Variants in PDE6B observed in about 807,000 individuals in gnomAD.
PDE6B encodes rod cGMP-specific 3',5'-cyclic phosphodiesterase subunit beta.
A neutral mutation model predicts 109.0 loss-of-function variants in PDE6B; 106 were observed. The ratio of observed to expected loss-of-function variants is 0.97; its 90% CI spans 0.83 to 1.14. PDE6B has a LOEUF of 1.14. Among genes scored for constraint, PDE6B ranks in the 50% most tolerant of loss-of-function variants. PDE6B has a pLI of 0.00. For synonymous variants in PDE6B, 490 were observed against 471.3 expected (o/e 1.04, Z -0.51); for missense variants, 1,193 against 1,155.6 (o/e 1.03, Z -0.47).
At position 669,817 on chromosome 4, in the gene PDE6B, C is replaced by T. The variant is rs550688910; in HGVS notation, c.2504-229C>T. Among the ~76,000 whole-genome samples the T allele has an allele frequency of 5.3e-5, 8 of 152,156 alleles. No homozygotes were observed. In the South Asian group the frequency reaches 8.3e-4, roughly 16 times the overall value. On this transcript the variant is annotated intron_variant, in intron 21 of 21. Coordinates refer to ENST00000496514, the MANE Select transcript of PDE6B (RefSeq NM_000283.4). ...GCTATCCTATGCTACATAAACAAGG[C>T]GACTTCAGGACTATGGAAGGCCAGG...
chr4:647,500 G>A (rs2109164130), intron 3 of PDE6B, among the ~76,000 whole-genome samples: 1 of 152,134 alleles, frequency 6.6e-6, no homozygotes, highest in African/African-American at 2.4e-5. Flanking sequence ...GTGGGCATTC[G>A]TTTCTGACAC....
chr4:654,104 C>A lies in PDE6B; in HGVS notation c.877C>A (p.Leu293Met), dbSNP rs1735884473. 1 of 1,613,852 alleles carries A rather than the reference C, an allele frequency of 6.2e-7. No individual in the cohort carries two copies. ...EKEFFDVWSV[L>M]MGESQPYSGP... is the part of the protein sequence containing the mutation. ...GGAATTTTTTGACGTGTGGTCTGTG[C>A]TGATGGGAGAGTCCCAGCCGTACTC... Residue 293 changes from leucine (L) to methionine (M), a missense_variant, in exon 5 of 22, where the codon CTG (leucine) becomes ATG (methionine). Coordinates refer to ENST00000496514, the MANE Select transcript of PDE6B (RefSeq NM_000283.4).
intron 3 of PDE6B, chr4:652,003 G>GCTCCACGACGGTGACTGCGGCCAGGGCGA: frequency 5.6e-6 from 1 of 180,032 alleles, no homozygotes; most frequent in South Asian, 9.7e-5. Flanking sequence ...GGCCAGGGCG[G>GCTCCACGACGGTGACTGCGGCCAGGGCGA]CTCCACGACG....
intron 3 of PDE6B, among the ~76,000 whole-genome samples, chr4:647,154 G>A (rs76339329): frequency 6.6e-6 from 1 of 152,142 alleles, no homozygotes; most frequent in African/African-American, 2.4e-5. Context: ...CACCTCGCCT[G>A]GCCTGATCAT....
At chr4:637,412 G>T (rs34992186) in intron 3 of PDE6B, among the ~76,000 whole-genome samples, 3,417 of 152,108 alleles carry the variant, frequency 0.022, 39 homozygotes, top group Middle Eastern at 0.041. Flanking sequence ...GTAGAGACGG[G>T]GTTTCACCAT....
Position 626,192 on chromosome 4 carries a change from G to C in PDE6B, c.468+98G>C. 1 of 769,830 alleles carries C rather than the reference G, an allele frequency of 1.3e-6. No homozygotes were observed. Among genetic ancestry groups the C allele is most frequent in the Non-Finnish European group, 2.2e-6 (1 of 451,242 alleles). 47.7% of individuals were successfully genotyped at this position (769,830 alleles called of 1,614,324 possible). A position where few individuals can be genotyped will look rare whatever the true frequency, so the allele number is the denominator to read the frequency against. On this transcript the variant is annotated intron_variant, in intron 1 of 21. Coordinates refer to ENST00000496514, the MANE Select transcript of PDE6B (RefSeq NM_000283.4). The surrounding 1 kb of genome is among the most constrained non-coding windows in gnomAD (Gnocchi z 4.6). ...GCTCGGATCCTCAGGCCTCCAGGGA[G>C]GCCTCTTGTCAGGGCACAGGCTAGT...
rs916500906 is a variant in PDE6B at position 666,292 on chromosome 4, C to T, written c.2269-239C>T. On this transcript the variant is annotated intron_variant, in intron 19 of 21. Transcript: ENST00000496514. This position sits in a 1 kb window ranked among gnomAD's most constrained non-coding sequence, Gnocchi z 5.6. ...AGAGGGGGCTGCCCTCAGGGGACCA[C>T]GGGCTGGAGCCAACAGCAGCTGTGG... 3.9e-5 allele frequency among the ~76,000 whole-genome samples: 6 copies of T among 152,174 alleles called. No individual in the cohort carries two copies. The highest frequency in any genetic ancestry group is 1.4e-4 in the African/African-American group (6 of 41,436).
chr4:647,665 G>A (rs1735270089), intron 3 of PDE6B, among the ~76,000 whole-genome samples: 1 of 151,920 alleles, frequency 6.6e-6, no homozygotes, highest in Non-Finnish European at 1.5e-5. Flanking sequence ...ATCCCCCAGG[G>A]CCCCACCTCC....
At chr4:664,258 C>T (rs1319192818) in intron 17 of PDE6B, 37 bp downstream of exon 17, 6 of 1,143,866 alleles carry the variant, frequency 5.2e-6, no homozygotes, top group Non-Finnish European at 8.0e-6. Context: ...GGGTCCTTCC[C>T]TCGCAGGGAC....
chr4:647,737 A>G (rs954100316), intron 3 of PDE6B, among the ~76,000 whole-genome samples: 1 of 151,970 alleles, frequency 6.6e-6, no homozygotes, highest in Admixed American at 6.6e-5. Flanking sequence ...CACGCAATCT[A>G]GTACACAGCG....
At position 654,724 on chromosome 4, in the gene PDE6B, T is replaced by A. The variant is rs1028263546; in HGVS notation, c.928-100T>A. 66 of 796,406 alleles carry A rather than the reference T, an allele frequency of 8.3e-5. 2 individuals are homozygous for A. In the South Asian group the frequency reaches 8.4e-4, roughly 10 times the overall value. The allele number at this position is 796,406 out of a possible 1,614,324, so 49.3% of individuals were successfully genotyped here. A position where few individuals can be genotyped will look rare whatever the true frequency, so the allele number is the denominator to read the frequency against. On this transcript the variant is annotated intron_variant, in intron 5 of 21. Transcript: ENST00000496514. ...ACGGTTACGTGTGTGGGGGTGTGCA[T>A]GCGTGTGGCTGTGTGTAGCTGCATG...
In PDE6B at chr4:656,274, C is replaced by G. The variant is rs150360174; in HGVS notation, c.1089C>G (p.Asp363Glu). ...FICNIMNASA[D>E]EMFKFQEGAL... ...GTAACATCATGAATGCTTCCGCTGA[C>G]GAAATGTTCAAATTTCAGGTATCTG... Residue 363 changes from aspartate to glutamate, a missense_variant, in exon 8 of 22, where the codon GAC (aspartate) becomes GAG (glutamate). Physicochemically the swap from Asp to Glu is conservative, Grantham distance 45 (BLOSUM62 2). Coordinates refer to ENST00000496514, the MANE Select transcript of PDE6B (RefSeq NM_000283.4). 6.3e-7 allele frequency: 1 copy of G among 1,592,632 alleles called. No individual in the cohort carries two copies. The highest frequency in any genetic ancestry group is 8.6e-7 in the Non-Finnish European group (1 of 1,160,672).
chr4:655,081 C>T, intron 6 of PDE6B, 193 bp downstream of exon 6: 1 of 620,218 alleles, frequency 1.6e-6, no homozygotes, highest in Non-Finnish European at 2.9e-6. Context: ...AGCCGACTCA[C>T]TGTTCTGGGA....
rs750553192 is a variant in PDE6B at position 654,158 on chromosome 4, A to C, written c.927+4A>C. 1.2e-5 allele frequency: 19 copies of C among 1,612,392 alleles called. No homozygotes were observed. The highest frequency in any genetic ancestry group is 1.6e-5 in the Non-Finnish European group (19 of 1,179,098). ...CCCACGCACGCCTGATGGCCGGGTG[A>C]GTCTTAGGGGAGGGGCCCAGGGCCT... is the stretch of plus-strand genomic sequence containing the variant. On this transcript the variant is annotated splice_donor_region_variant and intron_variant, in intron 5 of 21. Transcript: ENST00000496514.
chr4:664,226 G>T lies in PDE6B; in HGVS notation c.2129+5G>T. 2 of 1,546,402 alleles carry T rather than the reference G, an allele frequency of 1.3e-6. No homozygotes were observed. Among genetic ancestry groups the T allele is most frequent in the Non-Finnish European group, 8.9e-7 (1 of 1,118,842 alleles). Reference sequence around the variant, plus strand: ...GACCCGGAAGGAGATCGTCATGTGAGCGCGGGCGGAGGGGGCACGAGGGGT... The same window carrying T: ...GACCCGGAAGGAGATCGTCATGTGATCGCGGGCGGAGGGGGCACGAGGGGT... On this transcript the variant is annotated splice_donor_5th_base_variant and intron_variant, in intron 17 of 21. Coordinates refer to ENST00000496514, the MANE Select transcript of PDE6B (RefSeq NM_000283.4).
At position 667,871 on chromosome 4, in the gene PDE6B, C is replaced by T; in HGVS notation, c.2368C>T (p.His790Tyr). ...CTCCCCTCAGGAGTTCTCTCGTTTCCACGAAGAGATCCTGCCCATGTTCGA... is the reference window on the plus strand; with the variant it reads ...CTCCCCTCAGGAGTTCTCTCGTTTCTACGAAGAGATCCTGCCCATGTTCGA... The part of the protein sequence containing the change: ...TFVYKEFSRF[H>Y]EEILPMFDRL... Residue 790 changes from histidine (H) to tyrosine (Y), a missense_variant, in exon 21 of 22, where the codon CAC becomes TAC. Physicochemically the swap from His to Tyr is moderately conservative, Grantham distance 83. Transcript: ENST00000496514. The T allele has an allele frequency of 6.2e-7, 1 of 1,613,266 alleles. No homozygotes were observed. Among genetic ancestry groups the T allele is most frequent in the Non-Finnish European group, 8.5e-7 (1 of 1,179,634 alleles).
chr4:654,945 C>A (rs1254128612), intron 6 of PDE6B, 57 bp downstream of exon 6: 2 of 997,524 alleles, frequency 2.0e-6, no homozygotes, highest in African/African-American at 1.6e-5. Flanking sequence ...CCTCAGACCC[C>A]GGCTCAGCCC....
At position 663,558 on chromosome 4, in the gene PDE6B, T is replaced by C. The variant is rs1410168925; in HGVS notation, c.1921-212T>C. Among the ~76,000 whole-genome samples the C allele has an allele frequency of 1.3e-5, 2 of 152,038 alleles. No homozygotes were observed. The highest frequency in any genetic ancestry group is 2.9e-5 in the Non-Finnish European group (2 of 67,976). ...TCCCCGGTGGTGACCTCTGAGGCCA[T>C]CTGCGTCCCAAGCCGACGATGGAGC... On this transcript the variant is annotated intron_variant, in intron 15 of 21. Coordinates refer to ENST00000496514, the MANE Select transcript of PDE6B (RefSeq NM_000283.4). The surrounding 1 kb of genome is among the most constrained non-coding windows in gnomAD (Gnocchi z 4.0).
intron 5 of PDE6B, chr4:654,479 G>T (rs547909636): frequency 1.2e-5 from 7 of 592,278 alleles, no homozygotes; most frequent in Admixed American, 1.1e-4. Context: ...GTGTGTGTGT[G>T]TGAGAGTACG....
Sources: gnomAD v4.1 joint callset for allele counts (sites outside exome capture counted in the v4.1 genomes callset) on GRCh38, gnomAD v4.1.1 for gene constraint, Gnocchi (gnomAD v3.1) non-coding constraint, MANE v1.5 for transcripts, NCBI Gene and HGNC (gene_info 2026-07-23, HGNC 2026-07-21) for gene names.